PDLIM5: variants seen among roughly 807,000 people sequenced by gnomAD.
The protein encoded by PDLIM5 is PDZ and LIM domain protein 5.
In PDLIM5, 34 loss-of-function variants were observed where a neutral mutation model predicts 64.2. The ratio of observed to expected loss-of-function variants is 0.53; its 90% CI spans 0.40 to 0.71. The LOEUF is 0.71. Among genes scored for constraint, PDLIM5 ranks in the 30% least tolerant of loss-of-function variants. PDLIM5 has a pLI of 0.00. For missense variants in PDLIM5, 683 were observed against 733.6 expected (o/e 0.93, Z 0.80); for synonymous variants, 253 against 269.1 (o/e 0.94, Z 0.59).
At chr4:94,477,831 C>T (rs1190769343) in intron 2 of PDLIM5, among the ~76,000 whole-genome samples, 1 of 152,128 alleles carries the variant, frequency 6.6e-6, no homozygotes. Flanking sequence ...CCCTCCTCTC[C>T]TCCTCAGACT....
chr4:94,539,432 A>C (rs919224858), intron 3 of PDLIM5, among the ~76,000 whole-genome samples: 1 of 152,144 alleles, frequency 6.6e-6, no homozygotes, highest in Admixed American at 6.5e-5. Flanking sequence ...TGAAGGAAAA[A>C]AAACACTGTC....
At chr4:94,519,080 G>C (rs1410016022) in intron 2 of PDLIM5, among the ~76,000 whole-genome samples, 1 of 152,208 alleles carries the variant, frequency 6.6e-6, no homozygotes, top group Non-Finnish European at 1.5e-5. Flanking sequence ...AGTAAGCAGG[G>C]AAGGAGGATG....
At chr4:94,463,030 T>C (rs554261574) in intron 2 of PDLIM5, among the ~76,000 whole-genome samples, 2 of 152,340 alleles carry the variant, frequency 1.3e-5, no homozygotes, top group South Asian at 4.1e-4. Flanking sequence ...CGTCCAGAGC[T>C]TTTGTTAGTA....
intron 3 of PDLIM5, among the ~76,000 whole-genome samples, chr4:94,570,028 C>A (rs955072583): frequency 1.3e-5 from 2 of 151,998 alleles, no homozygotes; most frequent in African/African-American, 4.8e-5. Flanking sequence ...ACCTTCATGG[C>A]CACCTGAAAA....
intron 3 of PDLIM5, among the ~76,000 whole-genome samples, chr4:94,528,703 A>T (rs1020733557): frequency 6.6e-6 from 1 of 152,220 alleles, no homozygotes; most frequent in East Asian, 1.9e-4. Flanking sequence ...CTGCTTTCAT[A>T]GTACTGACAT....
In PDLIM5 at chr4:94,490,497, A is replaced by T. The variant is rs370765545; in HGVS notation, c.97-33227A>T. On this transcript the variant is annotated intron_variant, in intron 2 of 12. Transcript: ENST00000317968. The stretch of plus-strand genomic sequence containing the variant: ...TTATATCCTTCCATATAACAGTGGA[A>T]AAAGAATTGGTTTGGTGACTCGAAG... 3.9e-5 allele frequency among the ~76,000 whole-genome samples: 6 copies of T among 152,272 alleles called. 1 individual carries two copies. The highest frequency in any genetic ancestry group is 1.4e-4 in the African/African-American group (6 of 41,594).
At chr4:94,592,072 A>G (rs928477200) in intron 7 of PDLIM5, among the ~76,000 whole-genome samples, 1 of 152,240 alleles carries the variant, frequency 6.6e-6, no homozygotes, top group Non-Finnish European at 1.5e-5. Context: ...CAAAAGGAAC[A>G]TGCATTTACT....
chr4:94,574,968 G>A (rs1449595263), intron 4 of PDLIM5, among the ~76,000 whole-genome samples: 1 of 150,796 alleles, frequency 6.6e-6, no homozygotes, highest in Non-Finnish European at 1.5e-5. Flanking sequence ...AGAAAGAAAG[G>A]ATTTTGTTTT....
chr4:94,532,364 GAGA>G (rs1487847376), intron 3 of PDLIM5, among the ~76,000 whole-genome samples: 1 of 152,160 alleles, frequency 6.6e-6, no homozygotes, highest in East Asian at 1.9e-4. Flanking sequence ...GGGAAGAAGA[GAGA>G]AGAAGAAAAG....
chr4:94,648,120 A>C (rs769708916), intron 9 of PDLIM5, among the ~76,000 whole-genome samples: 1 of 152,198 alleles, frequency 6.6e-6, no homozygotes, highest in African/African-American at 2.4e-5. Flanking sequence ...AAAAAGATCA[A>C]ACTAAGTCCA....
chr4:94,456,542 A>G (rs1723386798), intron 2 of PDLIM5: 1 of 718,410 alleles, frequency 1.4e-6, no homozygotes. Flanking sequence ...ATTTACCCTG[A>G]GATCATTCTC....
At chr4:94,584,918 T>C in intron 5 of PDLIM5, 1 of 992,400 alleles carries the variant, frequency 1.0e-6, no homozygotes, top group East Asian at 2.4e-5. Flanking sequence ...TTTTTTCTTA[T>C]CATTTTCCTT....
At chr4:94,642,299 G>A (rs1578526995) in intron 9 of PDLIM5, among the ~76,000 whole-genome samples, 2 of 152,234 alleles carry the variant, frequency 1.3e-5, no homozygotes, top group South Asian at 4.1e-4. Context: ...ATGTTGTGTA[G>A]TTATCAAATT....
intron 8 of PDLIM5, among the ~76,000 whole-genome samples, chr4:94,620,585 G>A (rs992268689): frequency 1.3e-5 from 2 of 152,002 alleles, no homozygotes; most frequent in African/African-American, 4.8e-5. Context: ...ATATTTTTGA[G>A]ATTTGTAAGA....
At chr4:94,555,140 G>C (rs540638700) in intron 3 of PDLIM5, among the ~76,000 whole-genome samples, 42 of 152,184 alleles carry the variant, frequency 2.8e-4, no homozygotes, top group African/African-American at 1.0e-3. Flanking sequence ...TGCAACCTCC[G>C]CCTCCCGGGT....
At chr4:94,503,853 G>A (rs1483006863) in intron 2 of PDLIM5, among the ~76,000 whole-genome samples, 2 of 152,186 alleles carry the variant, frequency 1.3e-5, no homozygotes, top group Non-Finnish European at 2.9e-5. Flanking sequence ...ATTTTGGCTA[G>A]CATCAAGTTA....
rs771442414 is a variant in PDLIM5 at position 94,662,443 on chromosome 4, C to T, written c.1607C>T (p.Thr536Ile). Residue 536 changes from threonine to isoleucine, a missense_variant, in exon 12 of 13, where the codon ACT (threonine) becomes ATT (isoleucine). By Grantham distance (89) the Thr-to-Ile change is moderately conservative (BLOSUM62 -1). Coordinates refer to ENST00000317968, the MANE Select transcript of PDLIM5 (RefSeq NM_006457.5). ...ACAGATTATTATGCCCTCTTTGGTA[C>T]TATATGCCATGGATGTGAATTTCCC... is the stretch of plus-strand genomic sequence containing the variant. ...CETDYYALFGTICHGCEFPIE... is the reference protein window; with the variant it reads ...CETDYYALFGIICHGCEFPIE... 5 of 1,565,528 alleles carry T rather than the reference C, an allele frequency of 3.2e-6. No individual in the cohort carries two copies. Among genetic ancestry groups the T allele is most frequent in the African/African-American group, 1.4e-5 (1 of 74,000 alleles).
At chr4:94,638,375 T>C (rs1163984405) in intron 8 of PDLIM5, among the ~76,000 whole-genome samples, 4 of 152,148 alleles carry the variant, frequency 2.6e-5, no homozygotes, top group Admixed American at 1.3e-4. Context: ...ACTTGAAACA[T>C]GGGCAATAAT....
In PDLIM5 at chr4:94,667,438, A is replaced by G. The variant is rs751969352; in HGVS notation, c.*3371A>G. 1.3e-5 allele frequency: 2 copies of G among 152,214 alleles called. No homozygotes were observed. The highest frequency in any genetic ancestry group is 1.5e-5 in the Non-Finnish European group (1 of 68,042). 9.4% of individuals were successfully genotyped at this position (152,214 alleles called of 1,614,324 possible). ...TTTTTTTGTCATTAAACAATATAGTATAACAACTATTTACAAAGCATTTAC... is the reference window on the plus strand; with the variant it reads ...TTTTTTTGTCATTAAACAATATAGTGTAACAACTATTTACAAAGCATTTAC... On this transcript the variant is annotated 3_prime_UTR_variant, in exon 13 of 13. Transcript: ENST00000317968.
Sources: allele counts gnomAD v4.1 joint callset (sites outside exome capture counted in the v4.1 genomes callset), GRCh38; gene constraint gnomAD v4.1.1; transcripts MANE v1.5; gene names NCBI Gene and HGNC (gene_info 2026-07-23, HGNC 2026-07-21).